The following TFEC variants were observed in gnomAD, a reference collection of about 807,000 sequenced individuals.
TFEC encodes the protein transcription factor EC.
Under a neutral mutation model 41.6 loss-of-function variants are expected in TFEC, and 31 were observed. The ratio of observed to expected loss-of-function variants is 0.74; its 90% confidence interval spans 0.56 to 1.01. The LOEUF is 1.01. TFEC is among the 50% of genes least tolerant of loss of function. The probability of loss-of-function intolerance (pLI) is 0.00; values close to 1 mark genes in which losing one functional copy is unlikely to be tolerated. For missense variants in TFEC, 402 were observed against 404.1 expected (o/e 0.99, Z 0.04); for synonymous variants, 143 against 140.6 (o/e 1.02, Z -0.12).
intron 3 of TFEC, among the ~76,000 whole-genome samples, chr7:116,067,106 G>A (rs890005596): frequency 4.6e-5 from 7 of 151,898 alleles, no homozygotes; most frequent in East Asian, 1.9e-4. Context: ...ATTATTGCAC[G>A]TGGTACCTCA....
Position 115,939,948 on chromosome 7 carries a change from G to A in TFEC, c.*603C>T, listed in dbSNP as rs1231747157. The A allele has an allele frequency of 6.6e-6, 1 of 151,932 alleles. No individual in the cohort carries two copies. Among genetic ancestry groups the A allele is most frequent in the Non-Finnish European group, 1.5e-5 (1 of 67,958 alleles). The allele number at this position is 151,932 out of a possible 1,614,324, so 9.4% of individuals were successfully genotyped here. A position where few individuals can be genotyped will look rare whatever the true frequency, so the allele number is the denominator to read the frequency against. On this transcript the variant is annotated 3_prime_UTR_variant, in exon 8 of 8. Transcript: ENST00000265440. ...TGAGGATCTAATTTTAGTAACCAAT[G>A]TTTTTATAAGTTATCCATATTTTAT... is the stretch of plus-strand genomic sequence containing the variant.
At chr7:116,155,576 A>AAAAGAAAG (rs910689779) in intron 1 of TFEC, among the ~76,000 whole-genome samples, 1 of 152,120 alleles carries the variant, frequency 6.6e-6, no homozygotes, top group African/African-American at 2.4e-5. Flanking sequence ...CCAGGAAAAA[A>AAAAGAAAG]AAAGAAAGAA....
intron 3 of TFEC, among the ~76,000 whole-genome samples, chr7:116,068,017 T>C (rs938614225): frequency 1.3e-5 from 2 of 151,858 alleles, no homozygotes; most frequent in African/African-American, 4.8e-5. Flanking sequence ...TCTAAGACAT[T>C]TGAAAAAAAA....
chr7:115,965,379 T>C (rs1006600831), intron 3 of TFEC, among the ~76,000 whole-genome samples: 5 of 151,712 alleles, frequency 3.3e-5, no homozygotes, highest in Non-Finnish European at 7.4e-5. Context: ...CTATACAAAA[T>C]TGTGAAACAC....
intron 3 of TFEC, 102 bp from the exon 4 acceptor site, chr7:115,956,895 TTAA>T (rs2130429153): frequency 4.6e-6 from 3 of 650,418 alleles, no homozygotes; most frequent in African/African-American, 3.8e-5. Flanking sequence ...TGGCATTTTG[TTAA>T]TAATAATTTC....
chr7:116,098,104 A>G (rs574113968), intron 3 of TFEC, among the ~76,000 whole-genome samples: 5 of 152,228 alleles, frequency 3.3e-5, no homozygotes, highest in African/African-American at 4.8e-5. Flanking sequence ...TGCTAAAAAC[A>G]TGATAATATA....
rs1524470 is a variant in TFEC at position 116,067,847 on chromosome 7, T to A, written c.198+42861A>T. 2.1e-3 allele frequency among the ~76,000 whole-genome samples: 319 copies of A among 152,030 alleles called. 2 individuals carry two copies. The highest frequency in any genetic ancestry group is 7.2e-3 in the African/African-American group (301 of 41,542). On this transcript the variant is annotated intron_variant, in intron 3 of 8. Transcript: ENST00000484212. ...TAACCTGCAGCATTCAGTGCTTTGA[T>A]GAATTAAATTCCTTGATGGAAGAGG... is the stretch of plus-strand genomic sequence containing the variant.
intron 1 of TFEC, among the ~76,000 whole-genome samples, chr7:116,019,497 C>T (rs886624144): frequency 5.3e-5 from 8 of 152,112 alleles, no homozygotes; most frequent in East Asian, 1.9e-4. Flanking sequence ...TAACTTTAAG[C>T]GCAATGTTTT....
intron 1 of TFEC, among the ~76,000 whole-genome samples, chr7:116,138,285 G>A (rs766465491): frequency 6.6e-6 from 1 of 152,164 alleles, no homozygotes; most frequent in African/African-American, 2.4e-5. Flanking sequence ...TTCACAGACA[G>A]TGCACTGATT....
At chr7:116,094,484 T>A (rs1012275403) in intron 3 of TFEC, among the ~76,000 whole-genome samples, 2 of 151,896 alleles carry the variant, frequency 1.3e-5, no homozygotes, top group Admixed American at 6.6e-5. Flanking sequence ...ATCGAGACCA[T>A]CCTGGCTAAT....
intron 2 of TFEC, among the ~76,000 whole-genome samples, chr7:115,976,169 A>T (rs1045326933): frequency 1.3e-5 from 2 of 152,134 alleles, no homozygotes; most frequent in African/African-American, 4.8e-5. Context: ...CACACCTGCA[A>T]TCCCAGCACT....
intron 1 of TFEC, among the ~76,000 whole-genome samples, chr7:116,017,354 TG>T (rs1795230886): frequency 1.3e-5 from 2 of 152,248 alleles, no homozygotes; most frequent in Non-Finnish European, 2.9e-5. Flanking sequence ...CCTGAGTAGC[TG>T]GGACTATAGG....
chr7:116,114,618 C>T (rs970622497), intron 1 of TFEC, among the ~76,000 whole-genome samples: 11 of 151,898 alleles, frequency 7.2e-5, no homozygotes, highest in African/African-American at 2.4e-4. Flanking sequence ...TCCTACACTT[C>T]CAGAAGATGA....
chr7:115,943,539 T>C (rs994807949), intron 6 of TFEC, among the ~76,000 whole-genome samples: 3 of 151,908 alleles, frequency 2.0e-5, no homozygotes, highest in African/African-American at 7.2e-5. Flanking sequence ...AATTTGTACC[T>C]GATGTCACTT....
intron 3 of TFEC, among the ~76,000 whole-genome samples, chr7:115,970,119 G>C (rs1454967832): frequency 6.6e-6 from 1 of 151,862 alleles, no homozygotes; most frequent in African/African-American, 2.4e-5. Flanking sequence ...TATGAGAAAA[G>C]AGGACCAAAG....
At chr7:116,064,912 T>C (rs935313069) in intron 3 of TFEC, among the ~76,000 whole-genome samples, 4 of 152,170 alleles carry the variant, frequency 2.6e-5, no homozygotes, top group African/African-American at 9.7e-5. Flanking sequence ...TAGATTCCAG[T>C]GTCCTCTGTT....
At chr7:115,970,041 G>A (rs780458722) in intron 3 of TFEC, among the ~76,000 whole-genome samples, 3 of 151,950 alleles carry the variant, frequency 2.0e-5, no homozygotes, top group Non-Finnish European at 4.4e-5. Context: ...GAATATATAA[G>A]TCTGGCATAT....
At chr7:115,997,422 G>A (rs1794410849) in intron 1 of TFEC, among the ~76,000 whole-genome samples, 1 of 152,186 alleles carries the variant, frequency 6.6e-6, no homozygotes, top group African/African-American at 2.4e-5. Context: ...CAGTGACCAA[G>A]AACTTAGATT....
chr7:116,123,310 A>G (rs753028361), intron 1 of TFEC, among the ~76,000 whole-genome samples: 4 of 151,082 alleles, frequency 2.6e-5, no homozygotes, highest in African/African-American at 7.3e-5. Flanking sequence ...CTTGGATCCA[A>G]CCTCTCCTTT....
Sources: allele counts gnomAD v4.1 joint callset (sites outside exome capture counted in the v4.1 genomes callset), GRCh38; gene constraint gnomAD v4.1.1; transcripts MANE v1.5; gene names NCBI Gene and HGNC (gene_info 2026-07-23, HGNC 2026-07-21).